Variants in GABRG3 observed in about 807,000 individuals in gnomAD.
GABRG3 encodes the protein gamma-aminobutyric acid type A receptor subunit gamma3, also known as gamma-aminobutyric acid receptor subunit gamma-3.
GABRG3 carries 25 observed loss-of-function variants against 48.8 expected under a neutral mutation model. The ratio of observed to expected loss-of-function variants is 0.51; its 90% CI spans 0.37 to 0.72. GABRG3 has a LOEUF of 0.72. Among genes scored for constraint, GABRG3 ranks in the 30% least tolerant of loss-of-function variants. The pLI, the probability that GABRG3 is intolerant of heterozygous loss-of-function variation, is 0.00. For missense variants in GABRG3, 394 were observed against 577.9 expected (o/e 0.68, Z 3.26); for synonymous variants, 227 against 217.6 (o/e 1.04, Z -0.38).
intron 3 of GABRG3, among the ~76,000 whole-genome samples, chr15:27,303,134 A>T (rs1426057959): frequency 6.6e-6 from 1 of 151,976 alleles, no homozygotes; most frequent in African/African-American, 2.4e-5. Context: ...GTAAAAATCA[A>T]TGAAATTGAA....
intron 3 of GABRG3, among the ~76,000 whole-genome samples, chr15:27,073,785 T>C (rs6606868): frequency 0.2 from 29,662 of 151,828 alleles, 2,942 homozygotes; most frequent in Middle Eastern, 0.27. Flanking sequence ...AGGTGGAGAT[T>C]GGGGTGTCGG....
chr15:27,522,054 G>A lies in GABRG3; in HGVS notation c.865+1930G>A, dbSNP rs146310622. Among the ~76,000 whole-genome samples, 417 of 151,912 alleles carry A rather than the reference G, an allele frequency of 2.7e-3. 2 individuals carry two copies. Among genetic ancestry groups the A allele is most frequent in the African/African-American group, 9.6e-3 (400 of 41,538 alleles). The stretch of plus-strand genomic sequence containing the variant: ...AGTGAGATACAAGTAAGATAAATAC[G>A]AAGAAAACCATCATAGTCCAAATGA... On this transcript the variant is annotated intron_variant, in intron 7 of 9. Transcript: ENST00000615808.
At chr15:27,008,106 C>T (rs1895621579) in intron 2 of GABRG3, among the ~76,000 whole-genome samples, 1 of 152,050 alleles carries the variant, frequency 6.6e-6, no homozygotes, top group Non-Finnish European at 1.5e-5. Flanking sequence ...CTTAAGTGTT[C>T]CCAGCATATG....
chr15:27,355,125 C>T (rs965638521), intron 5 of GABRG3, among the ~76,000 whole-genome samples: 1 of 152,176 alleles, frequency 6.6e-6, no homozygotes, highest in Non-Finnish European at 1.5e-5. Context: ...TGAGCCACAC[C>T]TGCTTATCTC....
At chr15:27,388,922 A>G (rs1175329630) in intron 5 of GABRG3, among the ~76,000 whole-genome samples, 1 of 152,188 alleles carries the variant, frequency 6.6e-6, no homozygotes, top group Non-Finnish European at 1.5e-5. Flanking sequence ...GCCTTAACCC[A>G]TGCCTGGTTC....
chr15:27,423,721 CTTTTTTTTTTTTTTTTT>C (rs542775399), intron 5 of GABRG3, among the ~76,000 whole-genome samples: 16 of 81,792 alleles, frequency 2.0e-4, no homozygotes, highest in African/African-American at 8.8e-4. Flanking sequence ...TTTTCTTTTC[CTTTTTTTTTTTTTTTTT>C]TTTTTTTTTT....
intron 5 of GABRG3, among the ~76,000 whole-genome samples, chr15:27,459,755 C>G (rs1308351395): frequency 6.6e-6 from 1 of 152,202 alleles, no homozygotes; most frequent in Non-Finnish European, 1.5e-5. Context: ...CATGTGCACA[C>G]ACACCCACAC....
chr15:27,426,534 G>C (rs111942560), intron 5 of GABRG3, among the ~76,000 whole-genome samples: 2,028 of 152,200 alleles, frequency 0.013, 34 homozygotes, highest in African/African-American at 0.047. Context: ...GCCTTTCTTG[G>C]CCAGGCGTGG....
intron 3 of GABRG3, among the ~76,000 whole-genome samples, chr15:27,164,534 C>T (rs1034996585): frequency 1.1e-4 from 16 of 152,084 alleles, no homozygotes; most frequent in African/African-American, 3.1e-4. Context: ...ATCCAGGAAT[C>T]AAAGCTTCAC....
rs571056746 is a variant in GABRG3, at chr15:26,976,635, T to G, written c.54-367T>G. Among the ~76,000 whole-genome samples, 8 of 152,216 alleles carry G rather than the reference T, an allele frequency of 5.3e-5. No homozygotes were observed. The East Asian group carries it at 1.6e-3, about 30-fold the overall frequency. ...CGATGCAGTCACCATATAGAAAACCTCTAGAAGGTTTGTGCCTTGACCTTC... is the reference window on the plus strand; with the variant it reads ...CGATGCAGTCACCATATAGAAAACCGCTAGAAGGTTTGTGCCTTGACCTTC... On this transcript the variant is annotated intron_variant, in intron 1 of 9. Transcript: ENST00000615808. The surrounding 1 kb of genome is among the most constrained non-coding windows in gnomAD (Gnocchi z 7.8).
At chr15:27,193,213 A>G (rs931865449) in intron 3 of GABRG3, among the ~76,000 whole-genome samples, 1 of 152,208 alleles carries the variant, frequency 6.6e-6, no homozygotes, top group Non-Finnish European at 1.5e-5. Context: ...TCAGATCTCC[A>G]GCTGCGTGCT....
rs990280777 is a variant in GABRG3, at chr15:26,971,242, G to C, written c.-294G>C. The C allele has an allele frequency of 5.3e-5, 8 of 151,332 alleles. No individual in the cohort carries two copies. The highest frequency in any genetic ancestry group is 1.7e-4 in the African/African-American group (7 of 41,356). 9.4% of individuals were successfully genotyped at this position (151,332 alleles called of 1,614,324 possible). On this transcript the variant is annotated 5_prime_UTR_variant, in exon 1 of 10. Transcript: ENST00000615808. ...CCGCTCGCGGCTCCAGGCGGGGTGGGCGGCGCCGCGCCAGGGGGTCCCCGG... is the reference window on the plus strand; with the variant it reads ...CCGCTCGCGGCTCCAGGCGGGGTGGCCGGCGCCGCGCCAGGGGGTCCCCGG...
chr15:27,150,123 T>TG lies in GABRG3; in HGVS notation c.270+123302_270+123303insG, dbSNP rs1179712507. Among the ~76,000 whole-genome samples, 3 of 152,232 alleles carry TG rather than the reference T, an allele frequency of 2.0e-5. 1 individual carries two copies. Among genetic ancestry groups the TG allele is most frequent in the Admixed American group, 6.5e-5 (1 of 15,284 alleles). On this transcript the variant is annotated intron_variant, in intron 3 of 9. Coordinates refer to ENST00000615808, the MANE Select transcript of GABRG3 (RefSeq NM_033223.5). ...GTGTCCAGAGGTGATACAACCATCA[T>TG]TTAGATGTTTCTTTTGGGAATAGGA...
intron 6 of GABRG3, among the ~76,000 whole-genome samples, chr15:27,498,954 A>T (rs141362626): frequency 6.6e-6 from 1 of 152,216 alleles, no homozygotes; most frequent in Non-Finnish European, 1.5e-5. Flanking sequence ...CACGACAAGC[A>T]TCACCTTTTC....
chr15:27,519,291 C>T (rs1221393529), intron 6 of GABRG3, among the ~76,000 whole-genome samples: 3 of 152,060 alleles, frequency 2.0e-5, no homozygotes, highest in Non-Finnish European at 2.9e-5. Flanking sequence ...TTCAAGCCCC[C>T]GGGGGATCTT....
rs148118933 is a variant in GABRG3 at position 27,398,207 on chromosome 15, G to A, written c.574+69319G>A. On this transcript the variant is annotated intron_variant, in intron 5 of 9. Transcript: ENST00000615808. Reference sequence around the variant, plus strand: ...TCAAAGTCATTTATAAAAAAGCCTGGGAATGACCTTTGCAGGAACAACAGT... The same window carrying A: ...TCAAAGTCATTTATAAAAAAGCCTGAGAATGACCTTTGCAGGAACAACAGT... Among the ~76,000 whole-genome samples, 1,365 of 152,168 alleles carry A rather than the reference G, an allele frequency of 9.0e-3. 16 individuals carry two copies. Among genetic ancestry groups the A allele is most frequent in the African/African-American group, 0.031 (1,280 of 41,508 alleles).
chr15:27,182,737 C>T (rs575687712), intron 3 of GABRG3, among the ~76,000 whole-genome samples: 17 of 152,190 alleles, frequency 1.1e-4, no homozygotes, highest in South Asian at 2.1e-4. Context: ...ATGTGCTGTG[C>T]GCTCGCTGAA....
At chr15:26,999,198 A>G (rs2140654484) in intron 2 of GABRG3, among the ~76,000 whole-genome samples, 1 of 152,232 alleles carries the variant, frequency 6.6e-6, no homozygotes, top group Non-Finnish European at 1.5e-5. Context: ...AAAGCAATAG[A>G]ATGTAGTGAC....
intron 5 of GABRG3, chr15:27,420,839 A>G (rs753462288): frequency 3.3e-5 from 5 of 152,242 alleles, no homozygotes; most frequent in Non-Finnish European, 7.3e-5. Flanking sequence ...TAGTTAAAAA[A>G]TAAAAGTAGT....
Sources: allele counts gnomAD v4.1 joint callset (sites outside exome capture counted in the v4.1 genomes callset), GRCh38; gene constraint gnomAD v4.1.1; non-coding constraint Gnocchi (gnomAD v3.1); transcripts MANE v1.5; gene names NCBI Gene and HGNC (gene_info 2026-07-23, HGNC 2026-07-21).